PTPRM: variants seen among roughly 807,000 people sequenced by gnomAD.
PTPRM encodes the protein protein tyrosine phosphatase receptor type M, also known as receptor-type tyrosine-protein phosphatase mu.
PTPRM carries 47 observed loss-of-function variants against 186.7 expected under a neutral mutation model. The ratio of observed to expected loss-of-function variants is 0.25; its 90% CI spans 0.20 to 0.32. The LOEUF (loss-of-function observed/expected upper bound fraction) is 0.32, where lower values mean the gene tolerates loss of function less well. Among genes scored for constraint, PTPRM ranks in the 10% least tolerant of loss-of-function variants. The probability of loss-of-function intolerance (pLI) is 1.00; values close to 1 mark genes in which losing one functional copy is unlikely to be tolerated. For missense variants in PTPRM, 1,494 were observed against 1,865.0 expected, an observed-to-expected ratio of 0.80 and a Z score of 3.66; for synonymous variants, 668 against 674.9, an observed-to-expected ratio of 0.99 and a Z score of 0.16.
intron 32 of PTPRM, among the ~76,000 whole-genome samples, chr18:8,398,781 A>C (rs922846143): frequency 2.0e-5 from 3 of 151,838 alleles, no homozygotes; most frequent in Non-Finnish European, 1.5e-5. Flanking sequence ...AAAAAAAAAA[A>C]AAAAACTATT....
At chr18:8,005,019 A>G (rs1051716560) in intron 7 of PTPRM, among the ~76,000 whole-genome samples, 9 of 152,348 alleles carry the variant, frequency 5.9e-5, no homozygotes, top group African/African-American at 1.7e-4. Flanking sequence ...GGTTATGTAA[A>G]TGATGAGCAT....
chr18:8,331,401 CA>C (rs1245407116), intron 22 of PTPRM, among the ~76,000 whole-genome samples: 7 of 152,182 alleles, frequency 4.6e-5, no homozygotes, highest in Admixed American at 1.3e-4. Flanking sequence ...CTTCCATATA[CA>C]ACCATGTTTT....
intron 7 of PTPRM, among the ~76,000 whole-genome samples, chr18:7,992,558 A>G (rs1599916208): frequency 1.3e-5 from 2 of 152,140 alleles, no homozygotes; most frequent in African/African-American, 2.4e-5. Context: ...ACCAGGGGCA[A>G]CAAAGAGTTG....
rs564138437 is a variant in PTPRM, at chr18:7,734,562, C to G, written c.74-39587C>G. The stretch of plus-strand genomic sequence containing the variant: ...GGGAGAGGGAAGGCAAATCTGGATT[C>G]TGGTAGGGTTGATATTTAATATTTA... On this transcript the variant is annotated intron_variant, in intron 1 of 32. Coordinates refer to ENST00000580170, the MANE Select transcript of PTPRM (RefSeq NM_001105244.2). Among the ~76,000 whole-genome samples, 13 of 152,162 alleles carry G rather than the reference C, an allele frequency of 8.5e-5. No individual in the cohort carries two copies. The South Asian group carries it at 2.5e-3, about 29-fold the overall frequency.
chr18:8,143,529 G>T (rs2092811566), intron 13 of PTPRM, 118 bp from the exon 14 acceptor site: 7 of 1,055,476 alleles, frequency 6.6e-6, no homozygotes, highest in Non-Finnish European at 9.7e-6. Flanking sequence ...AAGCTTGTCT[G>T]TCTGCTGGCT....
intron 1 of PTPRM, among the ~76,000 whole-genome samples, chr18:7,655,178 T>C (rs1325788389): frequency 2.6e-5 from 4 of 152,170 alleles, no homozygotes; most frequent in African/African-American, 4.8e-5. Flanking sequence ...GTTTGTTAGC[T>C]GTATTCCTAG....
At chr18:7,648,815 T>C (rs1195932404) in intron 1 of PTPRM, among the ~76,000 whole-genome samples, 1 of 152,020 alleles carries the variant, frequency 6.6e-6, no homozygotes, top group African/African-American at 2.4e-5. Flanking sequence ...ATGCAGAATC[T>C]GTTATCCAGA....
chr18:7,977,966 A>G (rs376017588), intron 7 of PTPRM, among the ~76,000 whole-genome samples: 1 of 152,142 alleles, frequency 6.6e-6, no homozygotes. Flanking sequence ...CTCTAACTCA[A>G]ATCTTGTTGA....
In PTPRM at chr18:7,651,170, G is replaced by A. The variant is rs529276584; in HGVS notation, c.73+83279G>A. 4.6e-5 allele frequency among the ~76,000 whole-genome samples: 7 copies of A among 151,992 alleles called. No individual in the cohort carries two copies. The South Asian group carries it at 6.2e-4, about 14-fold the overall frequency. ...ACTCCTGACCTCAGGTGATTCGCCCGCCTCAGCCTCCAAAAATGCTAGAAT... is the reference window on the plus strand; with the variant it reads ...ACTCCTGACCTCAGGTGATTCGCCCACCTCAGCCTCCAAAAATGCTAGAAT... On this transcript the variant is annotated intron_variant, in intron 1 of 32. Transcript: ENST00000580170.
Position 7,626,629 on chromosome 18 carries a change from T to G in PTPRM, c.73+58738T>G, listed in dbSNP as rs565399824. On this transcript the variant is annotated intron_variant, in intron 1 of 32. Transcript: ENST00000580170. The stretch of plus-strand genomic sequence containing the variant: ...GAGGTTGTCCTGTGTACAATTTCAG[T>G]GCCCCTTGCTCAGGGTCTAAGCCTG... 1.7e-4 allele frequency among the ~76,000 whole-genome samples: 26 copies of G among 152,290 alleles called. No homozygotes were observed. The South Asian group carries it at 3.9e-3, about 23-fold the overall frequency.
chr18:7,940,061 G>A (rs1189739558), intron 5 of PTPRM, among the ~76,000 whole-genome samples: 2 of 152,148 alleles, frequency 1.3e-5, no homozygotes, highest in Non-Finnish European at 2.9e-5. Flanking sequence ...TCTCATGCCT[G>A]TCTGCACCTG....
intron 2 of PTPRM, among the ~76,000 whole-genome samples, chr18:7,870,754 CT>C (rs1202307406): frequency 5.9e-5 from 9 of 152,040 alleles, no homozygotes; most frequent in Admixed American, 3.9e-4. Context: ...TAAAAATATT[CT>C]TTGCCTTTAG....
chr18:8,390,521 C>G (rs2095804097), intron 31 of PTPRM, among the ~76,000 whole-genome samples: 1 of 152,154 alleles, frequency 6.6e-6, no homozygotes, highest in African/African-American at 2.4e-5. Context: ...ATGTGTCTGA[C>G]AAAGGACTCG....
intron 5 of PTPRM, among the ~76,000 whole-genome samples, chr18:7,928,236 A>G (rs1286649029): frequency 6.6e-6 from 1 of 151,924 alleles, no homozygotes; most frequent in Admixed American, 6.6e-5. Context: ...CCTTTTAGAG[A>G]CTTTGCTGGC....
At chr18:8,019,747 A>G (rs978687485) in intron 7 of PTPRM, among the ~76,000 whole-genome samples, 3 of 148,396 alleles carry the variant, frequency 2.0e-5, no homozygotes, top group Non-Finnish European at 4.5e-5. Context: ...TATATAATTT[A>G]TAAACATTTA....
chr18:8,016,198 A>G (rs1204661406), intron 7 of PTPRM, among the ~76,000 whole-genome samples: 1 of 152,192 alleles, frequency 6.6e-6, no homozygotes, highest in Non-Finnish European at 1.5e-5. Context: ...AATATTTGAC[A>G]TAAACATCAT....
chr18:8,288,054 C>A (rs2147803121), intron 19 of PTPRM, among the ~76,000 whole-genome samples: 1 of 152,264 alleles, frequency 6.6e-6, no homozygotes, highest in South Asian at 2.1e-4. Flanking sequence ...AAGAGATAGG[C>A]AACTCAAAAA....
At chr18:7,861,656 G>A (rs62090932) in intron 2 of PTPRM, among the ~76,000 whole-genome samples, 1 of 152,048 alleles carries the variant, frequency 6.6e-6, no homozygotes, top group African/African-American at 2.4e-5. Flanking sequence ...TTTTGGTGGG[G>A]TCAAGGCACA....
At chr18:7,704,102 G>T (rs1313558788) in intron 1 of PTPRM, among the ~76,000 whole-genome samples, 1 of 152,236 alleles carries the variant, frequency 6.6e-6, no homozygotes, top group South Asian at 2.1e-4. Context: ...TTTTCGCATC[G>T]ACGTTCATCA....
Sources: gnomAD v4.1 joint callset for allele counts (sites outside exome capture counted in the v4.1 genomes callset) on GRCh38, gnomAD v4.1.1 for gene constraint, MANE v1.5 for transcripts, NCBI Gene and HGNC (gene_info 2026-07-23, HGNC 2026-07-21) for gene names.